The following MAF variants were observed in gnomAD, a reference collection of about 807,000 sequenced individuals.
The protein encoded by MAF is MAF bZIP transcription factor.
Under a neutral mutation model 22.0 loss-of-function variants are expected in MAF, and 10 were observed. The ratio of observed to expected loss-of-function variants is 0.45; its 90% confidence interval spans 0.28 to 0.77. The LOEUF (loss-of-function observed/expected upper bound fraction) is 0.77. Among genes scored for constraint, MAF ranks in the 30% least tolerant of loss-of-function variants. The pLI, the probability that MAF is intolerant of heterozygous loss-of-function variation, is 0.12. For synonymous variants in MAF, 337 were observed against 255.8 expected (o/e 1.32, Z -3.03); for missense variants, 544 against 548.4 (o/e 0.99, Z 0.08).
the MAF span, among the ~76,000 whole-genome samples, chr16:79,346,428 T>G: frequency 6.6e-6 from 1 of 151,950 alleles, no homozygotes; most frequent in Non-Finnish European, 1.5e-5. Context: ...CTACAATGAA[T>G]ACTGCTAAAA....
the MAF span, chr16:79,212,544 T>C: frequency 5.9e-6 from 1 of 170,846 alleles, no homozygotes; most frequent in Non-Finnish European, 1.3e-5. Flanking sequence ...GGGCAGAGAA[T>C]AAAACGTTAG....
chr16:79,453,528 G>T, the MAF span, among the ~76,000 whole-genome samples: 5 of 152,012 alleles, frequency 3.3e-5, no homozygotes, highest in Admixed American at 6.6e-5. Flanking sequence ...ACTACTATTG[G>T]CAATCACCTA....
the MAF span, among the ~76,000 whole-genome samples, chr16:79,328,976 T>C: frequency 6.6e-6 from 1 of 152,188 alleles, no homozygotes; most frequent in African/African-American, 2.4e-5. Flanking sequence ...TCTTTAGCTC[T>C]TCCTAATAAC....
At chr16:79,452,686 T>A in the MAF span, among the ~76,000 whole-genome samples, 10 of 151,896 alleles carry the variant, frequency 6.6e-5, no homozygotes, top group South Asian at 8.3e-4. Context: ...CTCAGCTTCT[T>A]TGGAGTCAGC....
Position 79,600,073 on chromosome 16 carries a change from C to T in MAF, c.-171G>A. The T allele has an allele frequency of 4.1e-6, 3 of 739,900 alleles. No individual in the cohort carries two copies. Among genetic ancestry groups the T allele is most frequent in the African/African-American group, 1.9e-5 (1 of 52,178 alleles). 45.8% of individuals were successfully genotyped at this position (739,900 alleles called of 1,614,324 possible). Reference sequence around the variant, plus strand: ...ACCTCCGAGCGCGCTCACACACACACCCCCCCGCCCTGCCCGCGCCCCCCG... The same window carrying T: ...ACCTCCGAGCGCGCTCACACACACATCCCCCCGCCCTGCCCGCGCCCCCCG... On this transcript the variant is annotated 5_prime_UTR_variant, in exon 1 of 2. In the 5' UTR this introduces an upstream ATG that the reference lacks. Coordinates refer to ENST00000326043, the MANE Select transcript of MAF (RefSeq NM_005360.5).
chr16:79,474,927 A>C, the MAF span, among the ~76,000 whole-genome samples: 1 of 152,332 alleles, frequency 6.6e-6, no homozygotes, highest in South Asian at 2.1e-4. Flanking sequence ...CATCCTAGCA[A>C]CTAGAAATGT....
At chr16:79,254,935 A>G in the MAF span, among the ~76,000 whole-genome samples, 4 of 152,322 alleles carry the variant, frequency 2.6e-5, no homozygotes, top group East Asian at 3.9e-4. Context: ...AAAAATTCCA[A>G]GAGTCGAATC....
chr16:79,571,706 A>G, the MAF span, among the ~76,000 whole-genome samples: 1 of 152,076 alleles, frequency 6.6e-6, no homozygotes, highest in African/African-American at 2.4e-5. Flanking sequence ...GGATAGATCT[A>G]CAGGTCTACA....
the MAF span, among the ~76,000 whole-genome samples, chr16:79,418,379 C>T: frequency 6.6e-6 from 1 of 152,022 alleles, no homozygotes; most frequent in African/African-American, 2.4e-5. Context: ...AGCCTGAATA[C>T]CTGTGTCCTA....
chr16:79,377,552 T>A, the MAF span, among the ~76,000 whole-genome samples: 1 of 152,274 alleles, frequency 6.6e-6, no homozygotes, highest in African/African-American at 2.4e-5. Context: ...TTTGTCAATT[T>A]TGGCTTTTGT....
chr16:79,381,287 A>G, the MAF span, among the ~76,000 whole-genome samples: 1 of 152,264 alleles, frequency 6.6e-6, no homozygotes, highest in Non-Finnish European at 1.5e-5. Context: ...AACAAGGGTC[A>G]CATTATGCAT....
chr16:79,498,477 A>T, the MAF span, among the ~76,000 whole-genome samples: 14 of 152,242 alleles, frequency 9.2e-5, no homozygotes, highest in Admixed American at 7.9e-4. Flanking sequence ...GCAATGGGAA[A>T]ACAGGCTTCA....
At chr16:79,351,981 G>A in the MAF span, among the ~76,000 whole-genome samples, 1 of 152,108 alleles carries the variant, frequency 6.6e-6, no homozygotes, top group African/African-American at 2.4e-5. Context: ...ATCCAGTGAT[G>A]GAAATGTCAC....
chr16:79,346,082 G>T, the MAF span, among the ~76,000 whole-genome samples: 3 of 151,858 alleles, frequency 2.0e-5, no homozygotes, highest in Non-Finnish European at 4.4e-5. Context: ...CAATGTGCAG[G>T]TTTGTTACAT....
chr16:79,393,091 TG>T, the MAF span, among the ~76,000 whole-genome samples: 1 of 152,232 alleles, frequency 6.6e-6, no homozygotes. Flanking sequence ...CCCGTCTCCC[TG>T]GCAGGAAATC....
At chr16:79,395,852 G>A in the MAF span, among the ~76,000 whole-genome samples, 4 of 152,148 alleles carry the variant, frequency 2.6e-5, no homozygotes, top group African/African-American at 9.7e-5. Context: ...TGGGGATGAT[G>A]AAAGAGGACA....
chr16:79,568,297 G>C, the MAF span, among the ~76,000 whole-genome samples: 2 of 152,184 alleles, frequency 1.3e-5, no homozygotes, highest in Non-Finnish European at 2.9e-5. Flanking sequence ...TCTTCCACTG[G>C]GTTCCTGTTG....
chr16:79,595,952 T>C, intron 1 of MAF: 2 of 1,061,056 alleles, frequency 1.9e-6, no homozygotes, highest in Non-Finnish European at 2.3e-6. Flanking sequence ...CAAACAACTA[T>C]GATTTGTCAT....
At chr16:79,590,631 C>G (rs1384563410), downstream of MAF, among the ~76,000 whole-genome samples, 1 of 152,004 alleles carries the variant, frequency 6.6e-6, no homozygotes, top group Admixed American at 6.6e-5. Flanking sequence ...GTTTCTAGGA[C>G]TCTGTGGAGA....
Sources: allele counts gnomAD v4.1 joint callset (sites outside exome capture counted in the v4.1 genomes callset), GRCh38; gene constraint gnomAD v4.1.1; transcripts MANE v1.5; gene names NCBI Gene and HGNC (gene_info 2026-07-23, HGNC 2026-07-21).